CCDC7: variants seen among roughly 807,000 people sequenced by gnomAD.
CCDC7 encodes the protein coiled-coil domain-containing protein 7.
CCDC7 carries 183 observed loss-of-function variants against 196.9 expected under a neutral mutation model. The ratio of observed to expected loss-of-function variants is 0.93; its 90% CI spans 0.82 to 1.05. The LOEUF (loss-of-function observed/expected upper bound fraction) is 1.05. CCDC7 is among the 50% of genes least tolerant of loss of function. The probability of loss-of-function intolerance (pLI) is 0.00; values close to 1 mark genes in which losing one functional copy is unlikely to be tolerated. For missense variants in CCDC7, 1,540 were observed against 1,482.2 expected, an observed-to-expected ratio of 1.04 and a Z score of -0.64; for synonymous variants, 525 against 484.6, an observed-to-expected ratio of 1.08 and a Z score of -1.10.
chr10:32,820,882 A>G (rs1319125129), intron 31 of CCDC7, among the ~76,000 whole-genome samples: 2 of 152,152 alleles, frequency 1.3e-5, no homozygotes, highest in South Asian at 4.1e-4. Context: ...AACCTAGGCA[A>G]TACCATTCAG....
chr10:32,606,056 C>T (rs2061526687), intron 18 of CCDC7, among the ~76,000 whole-genome samples: 1 of 152,228 alleles, frequency 6.6e-6, no homozygotes, highest in African/African-American at 2.4e-5. Context: ...GGCCCTGCTG[C>T]CCTGTGCAGC....
chr10:32,541,563 G>A (rs1249902649), intron 11 of CCDC7, among the ~76,000 whole-genome samples: 3 of 152,252 alleles, frequency 2.0e-5, no homozygotes, highest in Admixed American at 1.3e-4. Context: ...CCCAAAGTGG[G>A]CCTGCTAGTC....
chr10:32,762,343 G>A (rs895073270), intron 28 of CCDC7, among the ~76,000 whole-genome samples: 5 of 151,416 alleles, frequency 3.3e-5, no homozygotes, highest in Admixed American at 2.6e-4. Context: ...TTTATTCCTG[G>A]AAGTGGTTTG....
downstream of CCDC7, among the ~76,000 whole-genome samples, chr10:32,879,940 C>T (rs887815879): frequency 1.3e-5 from 2 of 152,042 alleles, no homozygotes; most frequent in African/African-American, 4.8e-5. Flanking sequence ...TTTTCTTTAT[C>T]CAGTCTACCA....
intron 28 of CCDC7, among the ~76,000 whole-genome samples, chr10:32,756,709 A>G (rs1021862958): frequency 2.6e-5 from 4 of 152,238 alleles, no homozygotes; most frequent in African/African-American, 9.6e-5. Flanking sequence ...GAGCAAAGTA[A>G]CCAGCTAACA....
chr10:32,752,020 C>T (rs1385501669), intron 28 of CCDC7, among the ~76,000 whole-genome samples: 1 of 152,090 alleles, frequency 6.6e-6, no homozygotes, highest in Non-Finnish European at 1.5e-5. Flanking sequence ...TTTGCTAATT[C>T]TTCTGGAAAA....
chr10:32,726,747 T>G, exon 26 of CCDC7: 1 of 1,589,862 alleles, frequency 6.3e-7, no homozygotes, highest in Middle Eastern at 1.7e-4. Flanking sequence ...CAGATAAAAA[T>G]TCTATGTTTG....
chr10:32,479,449 C>T lies in CCDC7; in HGVS notation c.796+5426C>T, dbSNP rs538026706. ...ATGTTGAATTTTTTCAAATGTTTTT[C>T]CCCATATATTGAGGCTATCATATGA... On this transcript the variant is annotated intron_variant, in intron 8 of 41. Coordinates refer to ENST00000639629, the Ensembl canonical transcript of CCDC7. Among the ~76,000 whole-genome samples the T allele has an allele frequency of 1.2e-4, 18 of 152,140 alleles. No homozygotes were observed. The South Asian group carries it at 3.7e-3, about 32-fold the overall frequency.
chr10:32,701,539 G>A (rs2141540444), intron 24 of CCDC7, among the ~76,000 whole-genome samples: 1 of 152,328 alleles, frequency 6.6e-6, no homozygotes. Flanking sequence ...CATAAAATGA[G>A]TTAGGGAGGA....
At chr10:32,645,249 TATATAA>T (rs1049405985) in intron 20 of CCDC7, among the ~76,000 whole-genome samples, 8 of 152,284 alleles carry the variant, frequency 5.3e-5, no homozygotes, top group African/African-American at 1.9e-4. Context: ...TGTTTGTGGG[TATATAA>T]ATTAGTGTAA....
intron 18 of CCDC7, among the ~76,000 whole-genome samples, chr10:32,601,952 G>A (rs2061071216): frequency 6.6e-6 from 1 of 152,162 alleles, no homozygotes; most frequent in African/African-American, 2.4e-5. Flanking sequence ...TGTGGGCGGG[G>A]CCAAATAAGG....
intron 21 of CCDC7, among the ~76,000 whole-genome samples, chr10:32,677,493 T>C (rs543727977): frequency 3.3e-5 from 5 of 152,142 alleles, no homozygotes; most frequent in Non-Finnish European, 5.9e-5. Context: ...TTTTTCTGGG[T>C]GTAGTATTCT....
intron 15 of CCDC7, 82 bp downstream of exon 16, chr10:32,567,973 A>G: frequency 8.3e-7 from 1 of 1,205,792 alleles, no homozygotes; most frequent in South Asian, 2.0e-5. Flanking sequence ...TCATTTGTAT[A>G]TGTTATTTAA....
At chr10:32,452,554 T>A (rs1364141436) in intron 1 of CCDC7, among the ~76,000 whole-genome samples, 1 of 152,242 alleles carries the variant, frequency 6.6e-6, no homozygotes, top group African/African-American at 2.4e-5. Flanking sequence ...GCCTCCAGGT[T>A]TCAAGCAATT....
At chr10:32,724,907 G>A (rs1052903309) in intron 25 of CCDC7, among the ~76,000 whole-genome samples, 2 of 152,098 alleles carry the variant, frequency 1.3e-5, no homozygotes, top group Non-Finnish European at 2.9e-5. Flanking sequence ...TCCAGTGTGG[G>A]ATGGAAAGCT....
At chr10:32,688,836 T>C (rs556305728) in intron 22 of CCDC7, among the ~76,000 whole-genome samples, 1 of 152,302 alleles carries the variant, frequency 6.6e-6, no homozygotes, top group Non-Finnish European at 1.5e-5. Flanking sequence ...ATAAAACATA[T>C]TCAAAGTGCA....
intron 9 of CCDC7, among the ~76,000 whole-genome samples, chr10:32,509,518 A>G (rs966660844): frequency 4.6e-5 from 2 of 43,210 alleles, no homozygotes; most frequent in Non-Finnish European, 7.1e-5. Flanking sequence ...CATTACACCA[A>G]AAAAAAAAAA....
intron 28 of CCDC7, among the ~76,000 whole-genome samples, chr10:32,729,876 C>G (rs143789943): frequency 0.041 from 6,294 of 151,992 alleles, 131 homozygotes; most frequent in Middle Eastern, 0.065. Flanking sequence ...AAACTTTCTT[C>G]CAGTTGGTAT....
Position 32,683,368 on chromosome 10 carries a change from C to T in CCDC7, c.2123-2602C>T, listed in dbSNP as rs547586450. ...TTGGTCTATGTGTATGTTTTTATAC[C>T]ACTACCATGCTGTTTTGGTTACTGT... On this transcript the variant is annotated intron_variant, in intron 21 of 41. Transcript: ENST00000639629. Among the ~76,000 whole-genome samples the T allele has an allele frequency of 4.5e-4, 69 of 152,210 alleles. 1 individual carries two copies. Among genetic ancestry groups the T allele is most frequent in the Admixed American group, 1.6e-3 (25 of 15,300 alleles).
Sources: allele counts gnomAD v4.1 joint callset (sites outside exome capture counted in the v4.1 genomes callset), GRCh38; gene constraint gnomAD v4.1.1; transcripts MANE v1.5; gene names NCBI Gene and HGNC (gene_info 2026-07-23, HGNC 2026-07-21).